The following NTM variants were observed in gnomAD, a reference collection of about 807,000 sequenced individuals.
NTM encodes the protein neurotrimin.
A neutral mutation model predicts 42.1 loss-of-function variants in NTM; 13 were observed. The ratio of observed to expected loss-of-function variants is 0.31; its 90% CI spans 0.20 to 0.49. NTM has a LOEUF of 0.49. Ranked by LOEUF, NTM falls within the 20% of genes least tolerant of loss-of-function variation. The pLI is 0.99. For missense variants in NTM, 373 were observed against 452.8 expected, an observed-to-expected ratio of 0.82 and a Z score of 1.60; for synonymous variants, 187 against 179.2, an observed-to-expected ratio of 1.04 and a Z score of -0.35.
chr11:132,185,792 G>A (rs1412076899), intron 3 of NTM, among the ~76,000 whole-genome samples: 2 of 152,190 alleles, frequency 1.3e-5, no homozygotes, highest in African/African-American at 4.8e-5. Flanking sequence ...AGAGAGCCCA[G>A]GATGGAGTAG....
chr11:132,211,974 G>C, intron 3 of NTM, 48 bp from the exon 4 acceptor site: 7 of 1,585,030 alleles, frequency 4.4e-6, no homozygotes, highest in Middle Eastern at 1.7e-4. Context: ...AGACAACTAA[G>C]AAATGTTTCA....
intron 1 of NTM, among the ~76,000 whole-genome samples, chr11:131,472,034 A>C (rs1004625502): frequency 6.6e-6 from 1 of 152,240 alleles, no homozygotes; most frequent in Non-Finnish European, 1.5e-5. Flanking sequence ...AACAGGAGGC[A>C]CTTCAAACCT....
chr11:132,186,007 G>C (rs1270476992), intron 3 of NTM, among the ~76,000 whole-genome samples: 1 of 152,196 alleles, frequency 6.6e-6, no homozygotes, highest in African/African-American at 2.4e-5. Context: ...AGAAATGGGG[G>C]ATTACGGGAA....
rs532113609 is a variant in NTM at position 132,277,043 on chromosome 11, G to A, written c.527-30646G>A. Among the ~76,000 whole-genome samples, 7 of 152,190 alleles carry A rather than the reference G, an allele frequency of 4.6e-5. No individual in the cohort carries two copies. The East Asian group carries it at 1.2e-3, about 25-fold the overall frequency. On this transcript the variant is annotated intron_variant, in intron 4 of 8. Coordinates refer to ENST00000683400, the MANE Select transcript of NTM (RefSeq NM_001352005.2). ...TTCACAACATCCACTTCTATTTCTA[G>A]CAGTGCTTTGTAAATTCCTTATGTT...
intron 4 of NTM, among the ~76,000 whole-genome samples, chr11:132,242,041 G>A (rs2090293284): frequency 6.6e-6 from 1 of 152,188 alleles, no homozygotes; most frequent in South Asian, 2.1e-4. Context: ...ACTTTGCAAT[G>A]GCACAATAGA....
chr11:132,025,011 G>A (rs1484669663), intron 2 of NTM, among the ~76,000 whole-genome samples: 2 of 152,134 alleles, frequency 1.3e-5, no homozygotes. Context: ...CAGACCCACA[G>A]AATGTCTCTC....
chr11:131,622,115 G>C (rs1047888857), intron 1 of NTM, among the ~76,000 whole-genome samples: 9 of 151,996 alleles, frequency 5.9e-5, no homozygotes, highest in Admixed American at 5.9e-4. Flanking sequence ...GTGGGAGGAT[G>C]GGGGGGACCA....
In NTM at chr11:132,001,482, C is replaced by T. The variant is rs138034599; in HGVS notation, c.167+89834C>T. 4.7e-3 allele frequency among the ~76,000 whole-genome samples: 720 copies of T among 152,244 alleles called. 12 individuals carry two copies. Among genetic ancestry groups the T allele is most frequent in the African/African-American group, 0.016 (676 of 41,538 alleles). On this transcript the variant is annotated intron_variant, in intron 2 of 8. Transcript: ENST00000683400. ...CTGTACAGGAAGCAAAGCATGGCAC[C>T]GGCATCTGCTTGGCTTCTGGGGAGG... is the stretch of plus-strand genomic sequence containing the variant.
chr11:131,837,292 C>G (rs1314867255), intron 1 of NTM, among the ~76,000 whole-genome samples: 1 of 152,158 alleles, frequency 6.6e-6, no homozygotes, highest in Non-Finnish European at 1.5e-5. Flanking sequence ...CCTTCTCTTA[C>G]CCTCATCCCC....
At chr11:131,784,544 T>C (rs2088785433) in intron 1 of NTM, among the ~76,000 whole-genome samples, 1 of 152,024 alleles carries the variant, frequency 6.6e-6, no homozygotes, top group South Asian at 2.1e-4. Context: ...CTAGAATAGG[T>C]GAAACCAAAC....
chr11:131,450,090 G>A (rs940174852), intron 1 of NTM, among the ~76,000 whole-genome samples: 1 of 152,314 alleles, frequency 6.6e-6, no homozygotes, highest in Non-Finnish European at 1.5e-5. Flanking sequence ...GCAGGTCCCT[G>A]CAGGTAGGCT....
chr11:132,321,740 G>C (rs2095573229), intron 7 of NTM, among the ~76,000 whole-genome samples: 1 of 150,436 alleles, frequency 6.6e-6, no homozygotes, highest in South Asian at 2.1e-4. Flanking sequence ...ATTCACCAAA[G>C]TTGAAATGAA....
chr11:131,569,956 C>T (rs894263199), intron 1 of NTM, among the ~76,000 whole-genome samples: 1 of 152,256 alleles, frequency 6.6e-6, no homozygotes, highest in South Asian at 2.1e-4. Context: ...TTTCCAGCCT[C>T]AGAAATGTCA....
chr11:131,384,089 G>A (rs1565448030), intron 1 of NTM, among the ~76,000 whole-genome samples: 1 of 152,188 alleles, frequency 6.6e-6, no homozygotes, highest in Non-Finnish European at 1.5e-5. Flanking sequence ...AGTAATTAAT[G>A]CAATTTGGGT....
chr11:131,627,008 G>T (rs76070211), intron 1 of NTM, among the ~76,000 whole-genome samples: 10 of 152,322 alleles, frequency 6.6e-5, no homozygotes, highest in African/African-American at 1.9e-4. Context: ...GAGATGCGAG[G>T]ATCTGGCGTG....
At chr11:131,644,114 G>A (rs1187461743) in intron 1 of NTM, among the ~76,000 whole-genome samples, 5 of 152,158 alleles carry the variant, frequency 3.3e-5, no homozygotes, top group African/African-American at 1.2e-4. Context: ...GCAGGAGGTT[G>A]CATGCGACCT....
At chr11:131,894,297 G>A (rs1159810177) in intron 1 of NTM, among the ~76,000 whole-genome samples, 3 of 152,172 alleles carry the variant, frequency 2.0e-5, no homozygotes, top group African/African-American at 7.2e-5. Context: ...TTGGCCTAAA[G>A]GCACTTTCAC....
chr11:131,570,512 A>C (rs2057348070), intron 1 of NTM, among the ~76,000 whole-genome samples: 1 of 152,220 alleles, frequency 6.6e-6, no homozygotes, highest in South Asian at 2.1e-4. Flanking sequence ...CGTAGGAAAC[A>C]GTGCAGGCTA....
chr11:131,538,418 TTTCTA>T (rs2136756000), intron 1 of NTM: 1 of 152,364 alleles, frequency 6.6e-6, no homozygotes, highest in African/African-American at 2.4e-5. Flanking sequence ...GTGGGTTCTG[TTTCTA>T]TTCAAGTCAA....
Sources: gnomAD v4.1 joint callset for allele counts (sites outside exome capture counted in the v4.1 genomes callset) on GRCh38, gnomAD v4.1.1 for gene constraint, MANE v1.5 for transcripts, NCBI Gene and HGNC (gene_info 2026-07-23, HGNC 2026-07-21) for gene names.